The following ULK4 variants were observed in gnomAD, a reference collection of about 807,000 sequenced individuals.
ULK4 encodes inactive serine/threonine-protein kinase ULK4.
Under a neutral mutation model 160.6 loss-of-function variants are expected in ULK4, and 133 were observed. The ratio of observed to expected loss-of-function variants is 0.83; its 90% confidence interval spans 0.72 to 0.96. The LOEUF is 0.96. Among genes scored for constraint, ULK4 ranks in the 40% least tolerant of loss-of-function variants. The pLI, the probability that ULK4 is intolerant of heterozygous loss-of-function variation, is 0.00. For synonymous variants in ULK4, 534 were observed against 539.8 expected, an observed-to-expected ratio of 0.99 and a Z score of 0.15; for missense variants, 1,580 against 1,499.5, an observed-to-expected ratio of 1.05 and a Z score of -0.89.
intron 5 of ULK4, among the ~76,000 whole-genome samples, chr3:41,921,023 T>C (rs1417527421): frequency 6.6e-6 from 1 of 152,126 alleles, no homozygotes; most frequent in African/African-American, 2.4e-5. Flanking sequence ...CTAGTCAAAT[T>C]AAGAAATAAA....
At chr3:41,683,195 C>T (rs371747965) in intron 27 of ULK4, among the ~76,000 whole-genome samples, 4 of 152,042 alleles carry the variant, frequency 2.6e-5, no homozygotes, top group Non-Finnish European at 5.9e-5. Flanking sequence ...AATGTTTAAC[C>T]GTGGCTTTTA....
chr3:41,537,275 C>T (rs923704302), intron 32 of ULK4, among the ~76,000 whole-genome samples: 10 of 151,920 alleles, frequency 6.6e-5, no homozygotes, highest in African/African-American at 1.2e-4. Flanking sequence ...GCACTCTGGA[C>T]ATAGTTTTCT....
chr3:41,862,430 T>G (rs978797549), intron 17 of ULK4, among the ~76,000 whole-genome samples: 3 of 152,216 alleles, frequency 2.0e-5, no homozygotes, highest in African/African-American at 7.2e-5. Flanking sequence ...GGTGAGGTCA[T>G]GTTTTCCTGG....
chr3:41,611,287 G>C (rs780281094), intron 31 of ULK4, among the ~76,000 whole-genome samples: 4 of 152,168 alleles, frequency 2.6e-5, no homozygotes, highest in Non-Finnish European at 5.9e-5. Context: ...AAAATGCAGA[G>C]GTCTCACCCA....
At chr3:41,486,334 T>C (rs9865608) in intron 32 of ULK4, among the ~76,000 whole-genome samples, 62,293 of 152,064 alleles carry the variant, frequency 0.41, 12,944 homozygotes, top group African/African-American at 0.43. Flanking sequence ...AGAAATTTGT[T>C]GCCAATGAAT....
At chr3:41,638,163 C>CA (rs1451690648) in intron 30 of ULK4, among the ~76,000 whole-genome samples, 2 of 152,070 alleles carry the variant, frequency 1.3e-5, no homozygotes, top group Non-Finnish European at 2.9e-5. Flanking sequence ...TAAATGCTAT[C>CA]AAAAAACAAA....
At chr3:41,878,019 T>C (rs1440326815) in intron 17 of ULK4, among the ~76,000 whole-genome samples, 2 of 148,408 alleles carry the variant, frequency 1.3e-5, no homozygotes, top group South Asian at 4.2e-4. Context: ...GAATAAACTG[T>C]GAATTTTTCT....
At chr3:41,440,825 G>C (rs1027375595) in intron 34 of ULK4, among the ~76,000 whole-genome samples, 1 of 152,048 alleles carries the variant, frequency 6.6e-6, no homozygotes, top group African/African-American at 2.4e-5. Flanking sequence ...TTTTTTAATA[G>C]ACACAGGGTT....
intron 25 of ULK4, among the ~76,000 whole-genome samples, chr3:41,705,675 T>C (rs1294234905): frequency 6.6e-6 from 1 of 152,132 alleles, no homozygotes; most frequent in Non-Finnish European, 1.5e-5. Flanking sequence ...TTTGTATTTT[T>C]AGTAGAGATG....
intron 35 of ULK4, among the ~76,000 whole-genome samples, chr3:41,259,481 G>C (rs894812699): frequency 6.6e-6 from 1 of 152,192 alleles, no homozygotes; most frequent in Admixed American, 6.5e-5. Flanking sequence ...GAAAACAATG[G>C]CTTGCCCAAG....
chr3:41,740,045 C>T (rs1354791904), intron 22 of ULK4, among the ~76,000 whole-genome samples: 2 of 151,610 alleles, frequency 1.3e-5, no homozygotes, highest in African/African-American at 4.9e-5. Context: ...TCAGTATTTC[C>T]TTTTATGGTT....
At chr3:41,611,348 G>A (rs2032667961) in intron 31 of ULK4, among the ~76,000 whole-genome samples, 1 of 152,126 alleles carries the variant, frequency 6.6e-6, no homozygotes. Context: ...GCAATTTTTT[G>A]TAAGCCATCA....
chr3:41,950,068 G>A (rs1276361485), intron 2 of ULK4, among the ~76,000 whole-genome samples: 3 of 151,760 alleles, frequency 2.0e-5, no homozygotes, highest in Admixed American at 6.6e-5. Context: ...TGCAGGTACT[G>A]GCAAAACTCT....
intron 35 of ULK4, among the ~76,000 whole-genome samples, chr3:41,361,889 G>C (rs2081153261): frequency 6.6e-6 from 1 of 152,182 alleles, no homozygotes; most frequent in South Asian, 2.1e-4. Flanking sequence ...GCTTCAGCAG[G>C]CTTGTAAAAC....
At chr3:41,424,832 A>C (rs2082739849) in intron 34 of ULK4, among the ~76,000 whole-genome samples, 2 of 29,456 alleles carry the variant, frequency 6.8e-5, no homozygotes, top group East Asian at 1.6e-3. Context: ...AGAAATCATC[A>C]AAAAAAAAAA....
At chr3:41,291,865 C>T (rs2079572158) in intron 35 of ULK4, among the ~76,000 whole-genome samples, 1 of 147,652 alleles carries the variant, frequency 6.8e-6, no homozygotes, top group Non-Finnish European at 1.5e-5. Context: ...GAGTCTTGCT[C>T]TGTCACCCAG....
At chr3:41,498,049 C>A (rs1038966826) in intron 32 of ULK4, among the ~76,000 whole-genome samples, 1 of 151,982 alleles carries the variant, frequency 6.6e-6, no homozygotes, top group Admixed American at 6.6e-5. Flanking sequence ...TATCAAATAT[C>A]TTGATGTCAA....
At chr3:41,498,177 C>G (rs926038578) in intron 32 of ULK4, among the ~76,000 whole-genome samples, 3 of 151,988 alleles carry the variant, frequency 2.0e-5, no homozygotes, top group Admixed American at 6.6e-5. Flanking sequence ...TAGGAATTTT[C>G]AAAAAACTGA....
chr3:41,544,059 G>A (rs2086778605), intron 32 of ULK4, among the ~76,000 whole-genome samples: 1 of 151,942 alleles, frequency 6.6e-6, no homozygotes, highest in Admixed American at 6.6e-5. Flanking sequence ...CTTTTTTCCT[G>A]TGTATAGGCC....
Sources: gnomAD v4.1 joint callset for allele counts (sites outside exome capture counted in the v4.1 genomes callset) on GRCh38, gnomAD v4.1.1 for gene constraint, MANE v1.5 for transcripts, NCBI Gene and HGNC (gene_info 2026-07-23, HGNC 2026-07-21) for gene names.